The following RANBP2 variants were observed in gnomAD, a reference collection of about 807,000 sequenced individuals.
RANBP2 encodes E3 SUMO-protein ligase RanBP2.
RANBP2 carries 57 observed loss-of-function variants against 303.6 expected under a neutral mutation model. That is an observed-to-expected ratio of 0.19 (90% CI 0.15 to 0.23). The LOEUF (loss-of-function observed/expected upper bound fraction) is 0.23. Among genes scored for constraint, RANBP2 ranks in the 10% least tolerant of loss-of-function variants. The pLI, the probability that RANBP2 is intolerant of heterozygous loss-of-function variation, is 1.00. For missense variants in RANBP2, 3,138 were observed against 3,780.8 expected (o/e 0.83, Z 4.46); for synonymous variants, 1,167 against 1,301.5 (o/e 0.90, Z 2.23).
the RANBP2 span, among the ~76,000 whole-genome samples, chr2:109,248,770 T>C: frequency 1.3e-5 from 2 of 151,176 alleles, no homozygotes; most frequent in African/African-American, 4.9e-5. Flanking sequence ...CTCTCTCTCT[T>C]TCTCTTCTTT....
the RANBP2 span, among the ~76,000 whole-genome samples, chr2:109,214,703 G>T: frequency 2.0e-5 from 3 of 152,194 alleles, no homozygotes; most frequent in Non-Finnish European, 4.4e-5. Context: ...AGGACAATCA[G>T]AAGATGGGCT....
At chr2:109,467,521 C>T in the RANBP2 span, among the ~76,000 whole-genome samples, 24 of 152,274 alleles carry the variant, frequency 1.6e-4, no homozygotes, top group South Asian at 2.9e-3. Context: ...TTGGGCCCAC[C>T]GTGAGGGCAG....
At chr2:108,793,891 C>T in the RANBP2 span, among the ~76,000 whole-genome samples, 3 of 151,838 alleles carry the variant, frequency 2.0e-5, no homozygotes, top group African/African-American at 7.3e-5. Flanking sequence ...CGTGAGCCAC[C>T]GCGCCCTGCC....
chr2:108,824,765 T>G, the RANBP2 span, among the ~76,000 whole-genome samples: 1 of 149,010 alleles, frequency 6.7e-6, no homozygotes, highest in Admixed American at 6.7e-5. Context: ...AGCACAGTAG[T>G]TTTTTTTTTA....
the RANBP2 span, among the ~76,000 whole-genome samples, chr2:109,725,214 T>C: frequency 6.6e-6 from 1 of 152,216 alleles, no homozygotes; most frequent in South Asian, 2.1e-4. Flanking sequence ...CCCTCCCTCT[T>C]GGTTGTTCCT....
chr2:109,346,876 C>T, the RANBP2 span, among the ~76,000 whole-genome samples: 1 of 152,198 alleles, frequency 6.6e-6, no homozygotes, highest in South Asian at 2.1e-4. Context: ...AATTGTACTT[C>T]TGGAACAGAC....
the RANBP2 span, among the ~76,000 whole-genome samples, chr2:109,367,673 G>A: frequency 2.0e-5 from 3 of 152,098 alleles, no homozygotes; most frequent in Admixed American, 6.6e-5. Context: ...TCCATTGAAT[G>A]CACAATACTG....
rs554953114 is a variant in RANBP2 at position 108,758,135 on chromosome 2, A to G, written c.2467-278A>G. ...AACATGGTGAAACCCCATCTCTACT[A>G]TTACACAAAAAATTAGCCAGGCGTG... On this transcript the variant is annotated intron_variant, in intron 17 of 28. Coordinates refer to ENST00000283195, the MANE Select transcript of RANBP2 (RefSeq NM_006267.5). 1.3e-4 allele frequency among the ~76,000 whole-genome samples: 20 copies of G among 152,128 alleles called. No homozygotes were observed. In the East Asian group the frequency reaches 1.4e-3, roughly 10 times the overall value.
chr2:109,250,382 C>A, the RANBP2 span, among the ~76,000 whole-genome samples: 4 of 152,004 alleles, frequency 2.6e-5, no homozygotes, highest in South Asian at 8.3e-4. Flanking sequence ...CTGAGCTTAG[C>A]AATGTAAGCT....
chr2:109,449,176 A>G, the RANBP2 span: 2 of 1,613,070 alleles, frequency 1.2e-6, no homozygotes, highest in East Asian at 4.5e-5. Context: ...CCAGCTGCCC[A>G]CTCTGCAGCC....
At chr2:109,090,334 A>C in the RANBP2 span, among the ~76,000 whole-genome samples, 103 of 142,198 alleles carry the variant, frequency 7.2e-4, no homozygotes, top group South Asian at 3.8e-3. Context: ...ACACACACAC[A>C]CACACACACA....
the RANBP2 span, among the ~76,000 whole-genome samples, chr2:109,485,648 A>C: frequency 2.0e-5 from 3 of 152,378 alleles, no homozygotes; most frequent in East Asian, 3.9e-4. Context: ...CTCCTTTTTA[A>C]ATATCAGATT....
At chr2:109,388,680 C>G in the RANBP2 span, among the ~76,000 whole-genome samples, 1 of 152,208 alleles carries the variant, frequency 6.6e-6, no homozygotes, top group African/African-American at 2.4e-5. Flanking sequence ...ACTTTGCCCC[C>G]AGCACTAAAC....
the RANBP2 span, among the ~76,000 whole-genome samples, chr2:109,551,001 T>G: frequency 6.6e-6 from 1 of 152,344 alleles, no homozygotes; most frequent in African/African-American, 2.4e-5. Context: ...ACCTGAGGGA[T>G]AAATATAAAC....
At chr2:108,863,293 T>C in the RANBP2 span, among the ~76,000 whole-genome samples, 1 of 152,236 alleles carries the variant, frequency 6.6e-6, no homozygotes, top group Admixed American at 6.5e-5. Context: ...TACATACATA[T>C]CATCTGTTTT....
At chr2:109,472,541 C>T in the RANBP2 span, among the ~76,000 whole-genome samples, 18 of 152,174 alleles carry the variant, frequency 1.2e-4, no homozygotes, top group Admixed American at 2.6e-4. Flanking sequence ...TCAGAAACCC[C>T]GATCCAATTG....
At chr2:109,234,157 C>T in the RANBP2 span, among the ~76,000 whole-genome samples, 10 of 152,124 alleles carry the variant, frequency 6.6e-5, no homozygotes, top group African/African-American at 2.4e-4. Flanking sequence ...AATAGCTATA[C>T]CATGAAGTTA....
chr2:108,844,284 G>A, the RANBP2 span, among the ~76,000 whole-genome samples: 2 of 152,094 alleles, frequency 1.3e-5, no homozygotes. Context: ...GTTGTTTGCA[G>A]TTGTTCAGGT....
the RANBP2 span, among the ~76,000 whole-genome samples, chr2:109,241,829 G>A: frequency 6.6e-6 from 1 of 151,144 alleles, no homozygotes; most frequent in Non-Finnish European, 1.5e-5. Context: ...GCAGTGGTGC[G>A]ATCTCGGCTC....
Sources: allele counts gnomAD v4.1 joint callset (sites outside exome capture counted in the v4.1 genomes callset), GRCh38; gene constraint gnomAD v4.1.1; transcripts MANE v1.5; gene names NCBI Gene and HGNC (gene_info 2026-07-23, HGNC 2026-07-21).